Variants in MARCHF8 observed in about 807,000 individuals in gnomAD.
MARCHF8 encodes the protein E3 ubiquitin-protein ligase MARCHF8.
In MARCHF8, 40 loss-of-function variants were observed where a neutral mutation model predicts 51.6. The ratio of observed to expected loss-of-function variants is 0.77; its 90% confidence interval spans 0.60 to 1.01. MARCHF8 has a LOEUF of 1.01. Ranked by LOEUF, MARCHF8 falls within the 50% of genes least tolerant of loss-of-function variation. MARCHF8 has a pLI of 0.00. For synonymous variants in MARCHF8, 263 were observed against 280.3 expected (o/e 0.94, Z 0.62); for missense variants, 685 against 708.6 (o/e 0.97, Z 0.38).
chr10:45,498,395 T>G (rs1192191273), intron 2 of MARCHF8, among the ~76,000 whole-genome samples: 2 of 152,238 alleles, frequency 1.3e-5, no homozygotes, highest in African/African-American at 4.8e-5. Context: ...ACAAGTGGAA[T>G]CATAACAGTA....
chr10:45,459,956 C>T (rs1263978538), intron 6 of MARCHF8: 4 of 915,874 alleles, frequency 4.4e-6, no homozygotes, highest in Admixed American at 6.2e-5. Context: ...TATCCTTTGC[C>T]AACCCTAGTC....
chr10:45,524,540 A>T (rs2043760355), intron 2 of MARCHF8, among the ~76,000 whole-genome samples: 1 of 152,232 alleles, frequency 6.6e-6, no homozygotes, highest in Admixed American at 6.5e-5. Context: ...ACAGATGGTG[A>T]TGCCTAACCA....
At chr10:45,503,163 T>C (rs138028997) in intron 2 of MARCHF8, among the ~76,000 whole-genome samples, 8 of 152,094 alleles carry the variant, frequency 5.3e-5, no homozygotes, top group Admixed American at 1.3e-4. Context: ...AAACTCCAAA[T>C]AGATAAATAT....
intron 3 of MARCHF8, among the ~76,000 whole-genome samples, chr10:45,468,764 A>G (rs1389586273): frequency 6.6e-6 from 1 of 152,216 alleles, no homozygotes; most frequent in Non-Finnish European, 1.5e-5. Flanking sequence ...TTTCTCTCAC[A>G]ATGAGAAATA....
intron 2 of MARCHF8, among the ~76,000 whole-genome samples, chr10:45,516,807 C>T (rs2043627036): frequency 6.6e-6 from 1 of 151,996 alleles, no homozygotes; most frequent in South Asian, 2.1e-4. Flanking sequence ...TCAAAAAAAT[C>T]CTCAGAATTA....
intron 1 of MARCHF8, among the ~76,000 whole-genome samples, chr10:45,554,978 C>T (rs1211106675): frequency 6.6e-6 from 1 of 152,106 alleles, no homozygotes; most frequent in East Asian, 1.9e-4. Flanking sequence ...TTGCTTGAAC[C>T]CGGAGGCAGA....
At chr10:45,513,088 G>C (rs563201640) in intron 2 of MARCHF8, among the ~76,000 whole-genome samples, 2 of 151,326 alleles carry the variant, frequency 1.3e-5, no homozygotes, top group African/African-American at 2.4e-5. Context: ...CAAACACTGC[G>C]GAAGGCTGCA....
At chr10:45,588,509 C>T (rs1172376902) in intron 1 of MARCHF8, among the ~76,000 whole-genome samples, 2 of 152,136 alleles carry the variant, frequency 1.3e-5, no homozygotes, top group African/African-American at 4.8e-5. Context: ...TTATGTACTG[C>T]TATATTGTCT....
chr10:45,557,532 T>C (rs930330659), intron 1 of MARCHF8, among the ~76,000 whole-genome samples: 1 of 152,180 alleles, frequency 6.6e-6, no homozygotes, highest in East Asian at 1.9e-4. Flanking sequence ...ACAATATACA[T>C]TGTGGATCAC....
intron 1 of MARCHF8, among the ~76,000 whole-genome samples, chr10:45,547,298 CATTTAA>C (rs1158004191): frequency 2.6e-5 from 4 of 152,110 alleles, no homozygotes; most frequent in Non-Finnish European, 4.4e-5. Flanking sequence ...ATGCATATTT[CATTTAA>C]ATCTCACAGC....
intron 1 of MARCHF8, among the ~76,000 whole-genome samples, chr10:45,555,510 G>GA (rs1428414788): frequency 2.0e-5 from 3 of 151,952 alleles, no homozygotes; most frequent in East Asian, 1.9e-4. Flanking sequence ...GCCGAGGTAG[G>GA]AAAATCTCTT....
intron 1 of MARCHF8, among the ~76,000 whole-genome samples, chr10:45,562,641 AT>A (rs1046794447): frequency 1.3e-5 from 2 of 151,916 alleles, no homozygotes; most frequent in African/African-American, 2.4e-5. Context: ...AGATAAGCTT[AT>A]TTTTTTTAAA....
chr10:45,489,292 G>T, intron 3 of MARCHF8, 75 bp downstream of exon 3: 11 of 974,174 alleles, frequency 1.1e-5, no homozygotes, highest in South Asian at 1.6e-5. Context: ...AAAAAAAAAA[G>T]AGTATAAACA....
intron 4 of MARCHF8, 49 bp downstream of exon 4, chr10:45,464,190 T>A (rs1842890856): frequency 6.3e-7 from 1 of 1,592,274 alleles, no homozygotes; most frequent in Non-Finnish European, 8.6e-7. Context: ...CACTAATGCT[T>A]ATTTCTGGCT....
At chr10:45,496,420 G>A (rs2133118408) in intron 2 of MARCHF8, among the ~76,000 whole-genome samples, 1 of 152,144 alleles carries the variant, frequency 6.6e-6, no homozygotes, top group Admixed American at 6.5e-5. Flanking sequence ...ACTAATATCA[G>A]ACGAAACAGA....
chr10:45,516,114 A>G (rs2043613631), intron 2 of MARCHF8, among the ~76,000 whole-genome samples: 1 of 152,212 alleles, frequency 6.6e-6, no homozygotes, highest in Non-Finnish European at 1.5e-5. Flanking sequence ...GAGGCTCACA[A>G]TGTGTCCCTT....
chr10:45,463,474 G>T lies in MARCHF8; in HGVS notation c.765C>A (p.Ser255Arg), dbSNP rs1258601748. The T allele has an allele frequency of 2.6e-6, 4 of 1,550,634 alleles. No homozygotes were observed. Among genetic ancestry groups the T allele is most frequent in the Non-Finnish European group, 3.5e-6 (4 of 1,147,010 alleles). ...EKADGEATSR[S>R]RQLLQYLFSL... Reference sequence around the variant, plus strand: ...AGAACAGGTACTGGAGCAGTTGCCGGCTTCGGGACGTGGCCTCACCATCCG... The same window carrying T: ...AGAACAGGTACTGGAGCAGTTGCCGTCTTCGGGACGTGGCCTCACCATCCG... The change falls in exon 5 of 8, where the codon AGC becomes AGA. Residue 255 changes from serine to arginine, a missense_variant. Ser to Arg is a moderately radical substitution (Grantham distance 110). Coordinates refer to ENST00000453424, the MANE Select transcript of MARCHF8 (RefSeq NM_001282866.2).
intron 5 of MARCHF8, among the ~76,000 whole-genome samples, chr10:45,462,442 G>A (rs978227869): frequency 1.3e-5 from 2 of 152,162 alleles, no homozygotes; most frequent in Admixed American, 6.5e-5. Context: ...GGGTAGGTAG[G>A]GAGCAAGGGT....
At chr10:45,498,823 G>A (rs1474668170) in intron 2 of MARCHF8, among the ~76,000 whole-genome samples, 1 of 152,182 alleles carries the variant, frequency 6.6e-6, no homozygotes, top group South Asian at 2.1e-4. Context: ...TGCAATAAAT[G>A]TACCATATTT....
Sources: allele counts gnomAD v4.1 joint callset (sites outside exome capture counted in the v4.1 genomes callset), GRCh38; gene constraint gnomAD v4.1.1; transcripts MANE v1.5; gene names NCBI Gene and HGNC (gene_info 2026-07-23, HGNC 2026-07-21).